GATA6: variants seen among roughly 807,000 people sequenced by gnomAD.
The protein encoded by GATA6 is GATA binding protein 6.
GATA6 carries 11 observed loss-of-function variants against 48.1 expected under a neutral mutation model. The observed-to-expected ratio is 0.23, with a 90% CI of 0.14 to 0.38. The LOEUF (loss-of-function observed/expected upper bound fraction) is 0.38, where lower values mean the gene tolerates loss of function less well. Ranked by LOEUF, GATA6 falls within the 10% of genes least tolerant of loss-of-function variation. The pLI, the probability that GATA6 is intolerant of heterozygous loss-of-function variation, is 1.00. For synonymous variants in GATA6, 419 were observed against 396.1 expected, an observed-to-expected ratio of 1.06 and a Z score of -0.69; for missense variants, 795 against 850.3, an observed-to-expected ratio of 0.93 and a Z score of 0.81.
At chr18:22,198,990 T>G (rs140014414) in intron 6 of GATA6, among the ~76,000 whole-genome samples, 276 of 152,308 alleles carry the variant, frequency 1.8e-3, no homozygotes, top group African/African-American at 6.4e-3. Context: ...ACCTCATTTC[T>G]GCTGGGAAAG....
rs34914720 is a variant in GATA6 at position 22,200,200 on chromosome 18, T to TGTGTGC, written c.1621-455_1621-454insTGTGCG. ...GAGTGTGTGTGTGTGTGTGTGTGTG[T>TGTGTGC]GCGCGCGCACGCATGCGTGCGCTCT... On this transcript the variant is annotated intron_variant, in intron 6 of 6. Transcript: ENST00000269216. 2.8e-3 allele frequency among the ~76,000 whole-genome samples: 419 copies of TGTGTGC among 147,884 alleles called. 1 individual carries two copies. The highest frequency in any genetic ancestry group is 4.5e-3 in the Non-Finnish European group (300 of 67,050).
intron 6 of GATA6, among the ~76,000 whole-genome samples, chr18:22,195,776 T>C (rs1335671928): frequency 6.6e-6 from 1 of 152,230 alleles, no homozygotes; most frequent in African/African-American, 2.4e-5. Flanking sequence ...TCCATGATCT[T>C]ATTATTTTTA....
chr18:22,187,690 T>G (rs1285862792), intron 6 of GATA6, among the ~76,000 whole-genome samples: 1 of 152,122 alleles, frequency 6.6e-6, no homozygotes, highest in East Asian at 1.9e-4. Flanking sequence ...CTCCTATTTC[T>G]CCTCCTATAA....
chr18:22,187,228 C>T (rs2033273928), intron 6 of GATA6, among the ~76,000 whole-genome samples: 1 of 152,140 alleles, frequency 6.6e-6, no homozygotes, highest in African/African-American at 2.4e-5. Context: ...CCCCTTTAAT[C>T]CCAGCACTTT....
intron 6 of GATA6, among the ~76,000 whole-genome samples, chr18:22,195,269 C>CCTG (rs2033376542): frequency 6.6e-6 from 1 of 152,172 alleles, no homozygotes. Flanking sequence ...CAGGCCCTGG[C>CCTG]CTGTGCCAGG....
chr18:22,170,746 C>A lies in GATA6; in HGVS notation c.-37-362C>A, dbSNP rs1023450231. On this transcript the variant is annotated intron_variant, in intron 1 of 6. Coordinates refer to ENST00000269216, the MANE Select transcript of GATA6 (RefSeq NM_005257.6). The surrounding 1 kb of genome is among the most constrained non-coding windows in gnomAD (Gnocchi z 6.7). ...TCAGCCCGGGGGAGACACTTTAGGG[C>A]GGAAGGAAAGCCTCAGCCAGCTTCT... 6.6e-5 allele frequency among the ~76,000 whole-genome samples: 10 copies of A among 151,924 alleles called. No individual in the cohort carries two copies. Among genetic ancestry groups the A allele is most frequent in the African/African-American group, 2.2e-4 (9 of 41,460 alleles).
intron 3 of GATA6, among the ~76,000 whole-genome samples, 162 bp downstream of exon 3, chr18:22,177,283 C>G (rs1175513635): frequency 6.6e-6 from 1 of 152,148 alleles, no homozygotes; most frequent in African/African-American, 2.4e-5. Flanking sequence ...ACCATCCTGT[C>G]CCGGCTGTTC....
At chr18:22,184,114 A>G in intron 6 of GATA6, among the ~76,000 whole-genome samples, 1 of 152,214 alleles carries the variant, frequency 6.6e-6, no homozygotes, top group East Asian at 1.9e-4. Flanking sequence ...AATTGGAACT[A>G]CTGCCCCGGA....
In GATA6 at chr18:22,171,638, C is replaced by A; in HGVS notation, c.494C>A (p.Ala165Glu). The A allele has an allele frequency of 6.3e-7, 1 of 1,591,128 alleles. No homozygotes were observed. Among genetic ancestry groups the A allele is most frequent in the Non-Finnish European group, 8.5e-7 (1 of 1,175,984 alleles). Reference protein sequence around the residue: ...SSQGPAAYDGAPGGFVHSAAA... With the variant: ...SSQGPAAYDGEPGGFVHSAAA... ...CAGGGTCCGGCCGCCTACGACGGCG[C>A]GCCCGGCGGCTTCGTGCACTCTGCG... The change falls in exon 2 of 7, where the codon GCG (alanine) becomes GAG (glutamate). Residue 165 changes from alanine (A) to glutamate (E), a missense_variant. By Grantham distance (107) the Ala-to-Glu change is moderately radical. Around this residue, in one of 5 missense-constraint regions of GATA6, gnomAD observed 591 missense variants for 570.0 expected, o/e 1.04. Coordinates refer to ENST00000269216, the MANE Select transcript of GATA6 (RefSeq NM_005257.6). This position sits in a 1 kb window ranked among gnomAD's most constrained non-coding sequence, Gnocchi z 7.1.
intron 3 of GATA6, chr18:22,180,130 A>T (rs1266553271): frequency 6.6e-6 from 1 of 152,028 alleles, no homozygotes; most frequent in Non-Finnish European, 1.5e-5. Flanking sequence ...GGAAGGCTTC[A>T]CGAATTTGGG....
At chr18:22,176,772 G>A (rs1388402860) in intron 2 of GATA6, 183 bp from the exon 3 acceptor site, 1 of 656,562 alleles carries the variant, frequency 1.5e-6, no homozygotes, top group Non-Finnish European at 2.5e-6. Context: ...CAAATGGTCA[G>A]TGGAGCAATA....
Position 22,176,975 on chromosome 18 carries a change from G to C in GATA6, c.1156G>C (p.Glu386Gln), listed in dbSNP as rs944914368. Residue 386 changes from glutamate (E) to glutamine (Q), a missense_variant, in exon 3 of 7, where the codon GAG becomes CAG. By Grantham distance (29) the Glu-to-Gln change is conservative (BLOSUM62 2). This residue lies in a region of GATA6 where 591 missense variants were observed against 570.0 expected (regional missense o/e 1.04). Coordinates refer to ENST00000269216, the MANE Select transcript of GATA6 (RefSeq NM_005257.6). The stretch of plus-strand genomic sequence containing the variant: ...CGCAGACCTGCTGGAGGACCTGTCC[G>C]AGAGCCGCGAGTGCGTGAACTGCGG... ...PSADLLEDLSESRECVNCGSI... is the reference protein window; with the variant it reads ...PSADLLEDLSQSRECVNCGSI... 10 of 1,563,274 alleles carry C rather than the reference G, an allele frequency of 6.4e-6. No homozygotes were observed. The highest frequency in any genetic ancestry group is 8.6e-6 in the Non-Finnish European group (10 of 1,157,146).
chr18:22,200,458 C>T (rs2033445370), intron 6 of GATA6, among the ~76,000 whole-genome samples, 198 bp from the exon 7 acceptor site: 1 of 152,172 alleles, frequency 6.6e-6, no homozygotes, highest in African/African-American at 2.4e-5. Context: ...GCACTGTGTG[C>T]AATGCAGGGA....
chr18:22,199,757 G>T (rs1162045724), intron 6 of GATA6, among the ~76,000 whole-genome samples: 1 of 152,078 alleles, frequency 6.6e-6, no homozygotes, highest in Admixed American at 6.5e-5. Context: ...ACAAAAATTA[G>T]CCAGGTGTGG....
intron 2 of GATA6, chr18:22,175,480 C>T (rs893836836): frequency 6.6e-6 from 1 of 152,182 alleles, no homozygotes; most frequent in Admixed American, 6.5e-5. Context: ...TGTTTAACTT[C>T]AGTGTCCTTG....
At chr18:22,194,447 C>G (rs549896050) in intron 6 of GATA6, among the ~76,000 whole-genome samples, 2 of 152,282 alleles carry the variant, frequency 1.3e-5, no homozygotes, top group East Asian at 3.9e-4. Flanking sequence ...TGCTGCCTGC[C>G]GAAAGGAGGG....
chr18:22,171,081 A>G lies in GATA6; in HGVS notation c.-37-27A>G. On this transcript the variant is annotated intron_variant, in intron 1 of 6. Coordinates refer to ENST00000269216, the MANE Select transcript of GATA6 (RefSeq NM_005257.6). This position sits in a 1 kb window ranked among gnomAD's most constrained non-coding sequence, Gnocchi z 7.1. ...CTTGTTAACCCGTCGATCTCCTACC[A>G]TACCCGTCTCCCCCACCCCACCTCA... 1 of 1,443,100 alleles carries G rather than the reference A, an allele frequency of 6.9e-7. No individual in the cohort carries two copies. Among genetic ancestry groups the G allele is most frequent in the Non-Finnish European group, 9.6e-7 (1 of 1,044,228 alleles). 89.4% of individuals were successfully genotyped at this position (1,443,100 alleles called of 1,614,324 possible).
chr18:22,183,689 G>A (rs1358038231), intron 6 of GATA6, among the ~76,000 whole-genome samples: 4 of 152,188 alleles, frequency 2.6e-5, no homozygotes, highest in Non-Finnish European at 5.9e-5. Context: ...CTGGGTCTTC[G>A]TGAGGATCAC....
chr18:22,172,022 T>C lies in GATA6; in HGVS notation c.878T>C (p.Val293Ala). 8.0e-7 allele frequency: 1 copy of C among 1,246,834 alleles called. No homozygotes were observed. Among genetic ancestry groups the C allele is most frequent in the East Asian group, 3.2e-5 (1 of 31,612 alleles). The allele number at this position is 1,246,834 out of a possible 1,614,324, so 77.2% of individuals were successfully genotyped here. A position where few individuals can be genotyped will look rare whatever the true frequency, so the allele number is the denominator to read the frequency against. Residue 293 changes from valine to alanine, a missense_variant, in exon 2 of 7, where the codon GTG becomes GCG. This residue lies in a region of GATA6 where 591 missense variants were observed against 570.0 expected (regional missense o/e 1.04). Coordinates refer to ENST00000269216, the MANE Select transcript of GATA6 (RefSeq NM_005257.6). This position sits in a 1 kb window ranked among gnomAD's most constrained non-coding sequence, Gnocchi z 5.2. ...AAAGSGGAGGVSGGGSSLAAM... is the reference protein window; with the variant it reads ...AAAGSGGAGGASGGGSSLAAM... Reference sequence around the variant, plus strand: ...GCGGGCAGTGGGGGCGCGGGAGGCGTGAGCGGCGGCGGCAGTAGCCTGGCG... The same window carrying C: ...GCGGGCAGTGGGGGCGCGGGAGGCGCGAGCGGCGGCGGCAGTAGCCTGGCG...
Sources: gnomAD v4.1 joint callset for allele counts (sites outside exome capture counted in the v4.1 genomes callset) on GRCh38, gnomAD v4.1.1 for gene constraint, gnomAD v4.1.1 regional missense constraint, Gnocchi (gnomAD v3.1) non-coding constraint, MANE v1.5 for transcripts, NCBI Gene and HGNC (gene_info 2026-07-23, HGNC 2026-07-21) for gene names.